The following RFPL1 variants were observed in gnomAD, a reference collection of about 807,000 sequenced individuals.
RFPL1 encodes ret finger protein like 1.
In RFPL1, 6 loss-of-function variants were observed where a neutral mutation model predicts 9.6. The ratio of observed to expected loss-of-function variants is 0.62; its 90% CI spans 0.34 to 1.23. RFPL1 has a LOEUF of 1.23. RFPL1 is among the 50% of genes most tolerant of loss of function. The pLI is 0.03. For synonymous variants in RFPL1, 145 were observed against 149.4 expected, an observed-to-expected ratio of 0.97 and a Z score of 0.22; for missense variants, 352 against 398.4, an observed-to-expected ratio of 0.88 and a Z score of 0.99.
At chr22:29,410,428 T>TCTATATATAGATATCTATA in the RFPL1 span, among the ~76,000 whole-genome samples, 1 of 50,198 alleles carries the variant, frequency 2.0e-5, no homozygotes, top group Non-Finnish European at 3.3e-5. Context: ...GATATATATA[T>TCTATATATAGATATCTATA]TGTAGATATA....
upstream of RFPL1, chr22:29,437,933 C>G: frequency 2.1e-6 from 1 of 474,750 alleles, no homozygotes. Flanking sequence ...TATTCATTTC[C>G]AAGGCTGGAG....
chr22:29,427,242 G>A, the RFPL1 span, among the ~76,000 whole-genome samples: 1 of 152,220 alleles, frequency 6.6e-6, no homozygotes, highest in East Asian at 1.9e-4. Flanking sequence ...ATCTCCCAAA[G>A]CCACCTCACC....
At chr22:29,422,823 ACACT>A in the RFPL1 span, among the ~76,000 whole-genome samples, 1 of 151,784 alleles carries the variant, frequency 6.6e-6, no homozygotes, top group South Asian at 2.1e-4. Flanking sequence ...ACACACACAC[ACACT>A]CTCTCTCTGC....
the RFPL1 span, among the ~76,000 whole-genome samples, chr22:29,391,703 G>A: frequency 1.3e-5 from 2 of 152,282 alleles, no homozygotes; most frequent in South Asian, 2.1e-4. Context: ...ACAGAGTTGC[G>A]TAGGCTGAGA....
the RFPL1 span, among the ~76,000 whole-genome samples, chr22:29,424,896 T>C: frequency 7.0e-6 from 1 of 142,350 alleles, no homozygotes; most frequent in Non-Finnish European, 1.5e-5. Context: ...GTAGTTTTTA[T>C]ATGTTATAGA....
chr22:29,403,913 T>C, the RFPL1 span, among the ~76,000 whole-genome samples: 7 of 152,252 alleles, frequency 4.6e-5, no homozygotes, highest in Non-Finnish European at 1.0e-4. Context: ...AATCCTACTT[T>C]GAGGCATTTT....
the RFPL1 span, among the ~76,000 whole-genome samples, chr22:29,409,020 CTTA>C: frequency 6.6e-6 from 1 of 151,062 alleles, no homozygotes; most frequent in Non-Finnish European, 1.5e-5. Flanking sequence ...TTTTTTTTCT[CTTA>C]TTGCAGAGAA....
chr22:29,409,787 A>G, the RFPL1 span, among the ~76,000 whole-genome samples: 1 of 152,142 alleles, frequency 6.6e-6, no homozygotes, highest in African/African-American at 2.4e-5. Flanking sequence ...GGAATATCAT[A>G]TTTGATTGCC....
chr22:29,422,600 G>A, the RFPL1 span, among the ~76,000 whole-genome samples: 1 of 152,082 alleles, frequency 6.6e-6, no homozygotes, highest in African/African-American at 2.4e-5. Context: ...TAAATTAGCT[G>A]GGCATAGTGG....
the RFPL1 span, among the ~76,000 whole-genome samples, chr22:29,424,099 G>C: frequency 6.6e-6 from 1 of 151,950 alleles, no homozygotes; most frequent in Non-Finnish European, 1.5e-5. Flanking sequence ...AAAATCACTG[G>C]AACCCGGGAG....
chr22:29,417,938 GT>G, the RFPL1 span, among the ~76,000 whole-genome samples: 232 of 129,380 alleles, frequency 1.8e-3, no homozygotes, highest in South Asian at 2.2e-3. Flanking sequence ...ACCTTGAATG[GT>G]TTTTTTTTTT....
the RFPL1 span, chr22:29,423,065 A>G: frequency 2.6e-6 from 3 of 1,146,408 alleles, no homozygotes; most frequent in Non-Finnish European, 3.9e-6. Context: ...CCATAGGAGG[A>G]AAACAGAAGG....
chr22:29,394,405 C>T, the RFPL1 span, among the ~76,000 whole-genome samples: 3 of 150,810 alleles, frequency 2.0e-5, no homozygotes, highest in East Asian at 3.9e-4. Context: ...TGCGGTGGTG[C>T]GGTCTTGGCT....
At chr22:29,436,047 G>A (rs2062806939), upstream of RFPL1, among the ~76,000 whole-genome samples, 1 of 152,116 alleles carries the variant, frequency 6.6e-6, no homozygotes, top group Non-Finnish European at 1.5e-5. Flanking sequence ...GGCTGGGAGG[G>A]TAAGGGGCAG....
upstream of RFPL1, chr22:29,437,660 T>G (rs904717304): frequency 1.6e-5 from 26 of 1,593,744 alleles, no homozygotes; most frequent in Middle Eastern, 1.8e-4. Flanking sequence ...CGCCCTCATG[T>G]GCCCCTTCCG....
chr22:29,403,471 G>A, the RFPL1 span, among the ~76,000 whole-genome samples: 6 of 152,084 alleles, frequency 3.9e-5, no homozygotes, highest in Non-Finnish European at 2.9e-5. Flanking sequence ...ACTGACCAGC[G>A]GCTGTGTGAG....
At chr22:29,436,123 G>A (rs565137867), upstream of RFPL1, among the ~76,000 whole-genome samples, 1 of 151,654 alleles carries the variant, frequency 6.6e-6, no homozygotes, top group Non-Finnish European at 1.5e-5. Context: ...ATGGGCTTTA[G>A]TGGAGGCTGG....
upstream of RFPL1, chr22:29,437,416 T>G: frequency 1.9e-6 from 1 of 515,258 alleles, no homozygotes; most frequent in South Asian, 2.2e-5. Context: ...ATCTCTAAAA[T>G]AAGCTTTTGA....
chr22:29,388,990 C>T, the RFPL1 span, among the ~76,000 whole-genome samples: 1 of 152,206 alleles, frequency 6.6e-6, no homozygotes, highest in Non-Finnish European at 1.5e-5. Context: ...GATCCTCTCA[C>T]CTCAGCCTCC....
Sources: allele counts gnomAD v4.1 joint callset (sites outside exome capture counted in the v4.1 genomes callset), GRCh38; gene constraint gnomAD v4.1.1; transcripts MANE v1.5; gene names NCBI Gene and HGNC (gene_info 2026-07-23, HGNC 2026-07-21).